ZNF700: variants seen among roughly 807,000 people sequenced by gnomAD.
ZNF700 encodes zinc finger protein 700.
ZNF700 carries 38 observed loss-of-function variants against 65.3 expected under a neutral mutation model. The ratio of observed to expected loss-of-function variants is 0.58; its 90% CI spans 0.45 to 0.76. ZNF700 has a LOEUF of 0.76. Ranked by LOEUF, ZNF700 falls within the 30% of genes least tolerant of loss-of-function variation. The probability of loss-of-function intolerance (pLI) is 0.00; values close to 1 mark genes in which losing one functional copy is unlikely to be tolerated. For missense variants in ZNF700, 857 were observed against 888.4 expected, an observed-to-expected ratio of 0.96 and a Z score of 0.45; for synonymous variants, 285 against 290.4, an observed-to-expected ratio of 0.98 and a Z score of 0.19.
At chr19:11,946,352 T>TA (rs1018614079) in intron 1 of ZNF700, among the ~76,000 whole-genome samples, 13 of 152,250 alleles carry the variant, frequency 8.5e-5, no homozygotes, top group African/African-American at 2.2e-4. Context: ...GTCTCTCTTC[T>TA]AGGTAAGGAC....
At chr19:11,933,493 A>G (rs924289704) in intron 1 of ZNF700, among the ~76,000 whole-genome samples, 1 of 147,546 alleles carries the variant, frequency 6.8e-6, no homozygotes, top group Non-Finnish European at 1.5e-5. Flanking sequence ...CAGGCCTCAA[A>G]ATCCCCTGTG....
chr19:11,947,928 A>G (rs537024623), intron 3 of ZNF700, among the ~76,000 whole-genome samples: 1 of 152,340 alleles, frequency 6.6e-6, no homozygotes, highest in African/African-American at 2.4e-5. Flanking sequence ...GGATCACTCG[A>G]GACTTCAGGA....
At chr19:11,927,826 A>G (rs1328541225) in intron 1 of ZNF700, among the ~76,000 whole-genome samples, 1 of 152,158 alleles carries the variant, frequency 6.6e-6, no homozygotes, top group Non-Finnish European at 1.5e-5. Flanking sequence ...TTTTGTGATC[A>G]TGGGTTGTGA....
At chr19:11,938,414 G>A (rs933759634) in intron 1 of ZNF700, among the ~76,000 whole-genome samples, 4 of 152,102 alleles carry the variant, frequency 2.6e-5, no homozygotes, top group Non-Finnish European at 5.9e-5. Flanking sequence ...GCCCCGGTGT[G>A]TGATGTTCCC....
chr19:11,947,133 G>A, intron 1 of ZNF700, 48 bp from the exon 2 acceptor site: 1 of 1,600,940 alleles, frequency 6.2e-7, no homozygotes, highest in South Asian at 1.1e-5. Flanking sequence ...TAGGCCTCCA[G>A]TGCTGTCACT....
intron 1 of ZNF700, among the ~76,000 whole-genome samples, chr19:11,946,559 A>G (rs1972962774): frequency 6.6e-6 from 1 of 152,134 alleles, no homozygotes; most frequent in Non-Finnish European, 1.5e-5. Flanking sequence ...GTGTCTGTGT[A>G]CAGGAACTTG....
At position 11,928,462 on chromosome 19, in the gene ZNF700, G is replaced by A. The variant is rs1182065145; in HGVS notation, c.63+3189G>A. 1.9e-3 allele frequency among the ~76,000 whole-genome samples: 289 copies of A among 150,520 alleles called. 1 individual carries two copies. The highest frequency in any genetic ancestry group is 6.9e-3 in the African/African-American group (277 of 39,876). ...GAAAGTAGTCTCTGGGCCGGGCGCGGTGGCTCACGCCTGTAATCCCAGCAC... is the reference window on the plus strand; with the variant it reads ...GAAAGTAGTCTCTGGGCCGGGCGCGATGGCTCACGCCTGTAATCCCAGCAC... On this transcript the variant is annotated intron_variant, in intron 1 of 3. Transcript: ENST00000254321.
intron 1 of ZNF700, among the ~76,000 whole-genome samples, chr19:11,927,574 A>G (rs557826421): frequency 2.0e-5 from 3 of 152,292 alleles, no homozygotes; most frequent in African/African-American, 7.2e-5. Flanking sequence ...GATCTTTTCT[A>G]TGTAAAGAAT....
At chr19:11,932,663 A>C (rs2145277564) in intron 1 of ZNF700, among the ~76,000 whole-genome samples, 1 of 133,206 alleles carries the variant, frequency 7.5e-6, no homozygotes, top group East Asian at 2.0e-4. Flanking sequence ...TTTGAGACAG[A>C]GTCTTGCCCT....
In ZNF700 at chr19:11,925,143, C is replaced by G. The variant is rs953784216; in HGVS notation, c.-68C>G. 2.5e-5 allele frequency: 39 copies of G among 1,581,510 alleles called. No individual in the cohort carries two copies. In the African/African-American group the frequency reaches 3.8e-4, roughly 15 times the overall value. ...TCGCTGCGCGGGCGGCGGTTGGTAACCGGTCAGACCAGCCCGAGAGGGACC... is the reference window on the plus strand; with the variant it reads ...TCGCTGCGCGGGCGGCGGTTGGTAAGCGGTCAGACCAGCCCGAGAGGGACC... On this transcript the variant is annotated 5_prime_UTR_variant, in exon 1 of 4. Transcript: ENST00000254321.
chr19:11,941,781 C>T (rs775772328), intron 1 of ZNF700, among the ~76,000 whole-genome samples: 10 of 152,230 alleles, frequency 6.6e-5, no homozygotes, highest in Non-Finnish European at 1.2e-4. Flanking sequence ...TCAAGTGCCG[C>T]CAAAGTGGGA....
At chr19:11,935,787 C>G (rs904005948) in intron 1 of ZNF700, among the ~76,000 whole-genome samples, 1 of 152,112 alleles carries the variant, frequency 6.6e-6, no homozygotes, top group African/African-American at 2.4e-5. Flanking sequence ...TAACATGTGC[C>G]GTGTTGGTTT....
At chr19:11,946,991 A>G (rs967204764) in intron 1 of ZNF700, 190 bp from the exon 2 acceptor site, 34 of 1,095,812 alleles carry the variant, frequency 3.1e-5, no homozygotes, top group Non-Finnish European at 4.0e-5. Flanking sequence ...TCTGTCTCAA[A>G]AAATAAATAA....
chr19:11,947,465 T>C lies in ZNF700; in HGVS notation c.191-49T>C, dbSNP rs573767431. ...ATGGGCACAGAATCTAATAATTTTT[T>C]CACAATTTTATACTGCTTCAGGACT... On this transcript the variant is annotated intron_variant, in intron 2 of 3. Coordinates refer to ENST00000254321, the MANE Select transcript of ZNF700 (RefSeq NM_144566.3). The C allele has an allele frequency of 5.4e-5, 86 of 1,603,844 alleles. No individual in the cohort carries two copies. The South Asian group carries it at 8.8e-4, about 16-fold the overall frequency.
chr19:11,942,521 TA>T (rs1972901517), intron 1 of ZNF700, among the ~76,000 whole-genome samples: 1 of 152,168 alleles, frequency 6.6e-6, no homozygotes, highest in Admixed American at 6.6e-5. Context: ...GAAGTGGCTT[TA>T]TTCGGCCAGG....
At position 11,947,206 on chromosome 19, in the gene ZNF700, C is replaced by T. The variant is rs1972973770; in HGVS notation, c.89C>T (p.Ala30Val). The T allele has an allele frequency of 3.1e-6, 5 of 1,613,914 alleles. No individual in the cohort carries two copies. Among genetic ancestry groups the T allele is most frequent in the Non-Finnish European group, 4.2e-6 (5 of 1,179,972 alleles). Residue 30 changes from alanine (A) to valine (V), a missense_variant, in exon 2 of 4, where the codon GCT becomes GTT. Transcript: ENST00000254321. ...GACCCAGTGGCCTTTGAGGATGTGG[C>T]TGTGAACTTCACCCAGGAAGAGTGG... ...EMDPVAFEDVAVNFTQEEWTL... is the reference protein window; with the variant it reads ...EMDPVAFEDVVVNFTQEEWTL...
At chr19:11,947,603 G>A (rs755477796) in intron 3 of ZNF700, 29 bp downstream of exon 3, 50 of 1,585,852 alleles carry the variant, frequency 3.2e-5, no homozygotes, top group Non-Finnish European at 4.2e-5. Context: ...AGAAAGCAGT[G>A]TCTCTCTGCA....
chr19:11,934,130 G>C (rs1028687968), intron 1 of ZNF700, among the ~76,000 whole-genome samples: 1 of 148,014 alleles, frequency 6.8e-6, no homozygotes, highest in Non-Finnish European at 1.5e-5. Context: ...GATTGCTTGA[G>C]GCCAGGAGTT....
At position 11,932,635 on chromosome 19, in the gene ZNF700, AT is replaced by A. The variant is rs750423524; in HGVS notation, c.63+7382del. Among the ~76,000 whole-genome samples the A allele has an allele frequency of 1.4e-3, 163 of 116,826 alleles. 2 individuals are homozygous for A. Among genetic ancestry groups the A allele is most frequent in the Admixed American group, 2.4e-3 (28 of 11,506 alleles). The allele number at this position is 116,826 out of a possible 152,430, so 76.6% of individuals were successfully genotyped here. ...TGTTTTTTATGCAAACCAATATGTG[AT>A]TTTTTTTTTTTTTTTTTTTGAGACA... is the stretch of plus-strand genomic sequence containing the variant. On this transcript the variant is annotated intron_variant, in intron 1 of 3. Coordinates refer to ENST00000254321, the MANE Select transcript of ZNF700 (RefSeq NM_144566.3).
Sources: allele counts gnomAD v4.1 joint callset (sites outside exome capture counted in the v4.1 genomes callset), GRCh38; gene constraint gnomAD v4.1.1; transcripts MANE v1.5; gene names NCBI Gene and HGNC (gene_info 2026-07-23, HGNC 2026-07-21).